The following DSCAM variants were observed in gnomAD, a reference collection of about 807,000 sequenced individuals.
DSCAM encodes the protein cell adhesion molecule DSCAM.
DSCAM carries 47 observed loss-of-function variants against 217.7 expected under a neutral mutation model. That is an observed-to-expected ratio of 0.22 (90% CI 0.17 to 0.28). DSCAM has a LOEUF of 0.28. Ranked by LOEUF, DSCAM falls within the 10% of genes least tolerant of loss-of-function variation. DSCAM has a pLI of 1.00. For missense variants in DSCAM, 2,080 were observed against 2,618.3 expected, an observed-to-expected ratio of 0.79 and a Z score of 4.49; for synonymous variants, 1,056 against 1,015.3, an observed-to-expected ratio of 1.04 and a Z score of -0.76.
chr21:40,818,487 A>G (rs1202661990), intron 1 of DSCAM, among the ~76,000 whole-genome samples: 1 of 134,398 alleles, frequency 7.4e-6, no homozygotes, highest in Non-Finnish European at 1.5e-5. Flanking sequence ...TGGAGCTTGC[A>G]GTGAGCCAAG....
At chr21:40,696,315 G>A (rs1443692779) in intron 2 of DSCAM, among the ~76,000 whole-genome samples, 3 of 152,164 alleles carry the variant, frequency 2.0e-5, no homozygotes, top group Non-Finnish European at 4.4e-5. Context: ...CCCAAAAGGA[G>A]GAGCTGGGTT....
chr21:40,293,249 C>T (rs1321300669), intron 10 of DSCAM, among the ~76,000 whole-genome samples: 1 of 152,110 alleles, frequency 6.6e-6, no homozygotes, highest in African/African-American at 2.4e-5. Flanking sequence ...ATCTGTGATG[C>T]ACTTCTGGAA....
At chr21:40,503,753 A>G (rs1175754026) in intron 3 of DSCAM, among the ~76,000 whole-genome samples, 1 of 152,240 alleles carries the variant, frequency 6.6e-6, no homozygotes, top group Non-Finnish European at 1.5e-5. Flanking sequence ...TCAAGCCACA[A>G]AGATTAAGAT....
intron 3 of DSCAM, among the ~76,000 whole-genome samples, chr21:40,557,898 C>T (rs1299523454): frequency 2.0e-5 from 3 of 152,176 alleles, no homozygotes; most frequent in Admixed American, 2.0e-4. Flanking sequence ...CCAAGAAAGA[C>T]CCAACAATGT....
At chr21:40,443,640 G>A (rs1299773888) in intron 3 of DSCAM, among the ~76,000 whole-genome samples, 2 of 152,106 alleles carry the variant, frequency 1.3e-5, no homozygotes, top group Admixed American at 1.3e-4. Context: ...ATTCACATTA[G>A]TAATCTATGA....
At chr21:40,125,088 C>T (rs1006759265) in intron 19 of DSCAM, among the ~76,000 whole-genome samples, 2 of 152,174 alleles carry the variant, frequency 1.3e-5, no homozygotes, top group East Asian at 3.9e-4. Context: ...TTTGTAATGG[C>T]ACCACTTTGG....
chr21:40,321,387 A>G (rs2074257278), intron 8 of DSCAM, among the ~76,000 whole-genome samples: 1 of 152,230 alleles, frequency 6.6e-6, no homozygotes, highest in Non-Finnish European at 1.5e-5. Context: ...AGCTTCTTCA[A>G]TTCTCTGTTC....
intron 10 of DSCAM, among the ~76,000 whole-genome samples, chr21:40,291,899 AT>A (rs2073896897): frequency 6.6e-6 from 1 of 152,152 alleles, no homozygotes. Flanking sequence ...TGCATCATCT[AT>A]TCTCTCGCAT....
At chr21:40,555,390 A>G (rs1034451027) in intron 3 of DSCAM, among the ~76,000 whole-genome samples, 2 of 152,192 alleles carry the variant, frequency 1.3e-5, no homozygotes, top group Non-Finnish European at 2.9e-5. Flanking sequence ...CCAGAACCCA[A>G]TGATATGTCA....
chr21:40,751,689 C>A (rs888659913), intron 1 of DSCAM, among the ~76,000 whole-genome samples: 1 of 152,038 alleles, frequency 6.6e-6, no homozygotes, highest in Non-Finnish European at 1.5e-5. Context: ...GGGGTTCCTA[C>A]TGTAGGGTGG....
At chr21:40,717,699 A>G (rs904588235) in intron 1 of DSCAM, among the ~76,000 whole-genome samples, 13 of 152,230 alleles carry the variant, frequency 8.5e-5, no homozygotes, top group African/African-American at 2.9e-4. Context: ...TTTTGAAGTG[A>G]TGAAAACCTG....
At chr21:40,101,595 G>A (rs968234713) in intron 20 of DSCAM, among the ~76,000 whole-genome samples, 2 of 152,128 alleles carry the variant, frequency 1.3e-5, no homozygotes, top group African/African-American at 4.8e-5. Context: ...TCCGTAGCCC[G>A]GGGGTTGGGG....
intron 16 of DSCAM, 51 bp downstream of exon 16, chr21:40,167,167 G>T (rs773413162): frequency 1.4e-5 from 21 of 1,544,716 alleles, no homozygotes; most frequent in Non-Finnish European, 1.1e-5. Flanking sequence ...AGGAGTGAAG[G>T]GCTCGCCCTG....
At chr21:40,695,755 G>A (rs761526416) in intron 2 of DSCAM, among the ~76,000 whole-genome samples, 1 of 152,092 alleles carries the variant, frequency 6.6e-6, no homozygotes, top group Admixed American at 6.5e-5. Context: ...TTCCATTCTG[G>A]GAGAACTTCT....
chr21:40,481,548 A>G (rs896891546), intron 3 of DSCAM, among the ~76,000 whole-genome samples: 3 of 151,602 alleles, frequency 2.0e-5, no homozygotes, highest in Non-Finnish European at 4.4e-5. Flanking sequence ...AAAAAAAAAA[A>G]AAAAGCTCAC....
intron 3 of DSCAM, among the ~76,000 whole-genome samples, chr21:40,569,577 C>A (rs922943771): frequency 6.6e-6 from 1 of 152,126 alleles, no homozygotes; most frequent in Non-Finnish European, 1.5e-5. Flanking sequence ...CACTCTCAGC[C>A]CCGCCCCATA....
intron 15 of DSCAM, among the ~76,000 whole-genome samples, chr21:40,171,679 G>C (rs1269170720): frequency 6.6e-6 from 1 of 151,142 alleles, no homozygotes; most frequent in Non-Finnish European, 1.5e-5. Context: ...TTTTTTGTTT[G>C]CTTGTGTTTT....
chr21:40,012,873 A>G lies in DSCAM; in HGVS notation c.*161T>C. The stretch of plus-strand genomic sequence containing the variant: ...CACTCAGACAGAAAAAAAGCAGGAG[A>G]GTCTTTGCACTGTCTGTGGTTTCAG... On this transcript the variant is annotated 3_prime_UTR_variant, in exon 33 of 33. Transcript: ENST00000400454. 1 of 503,462 alleles carries G rather than the reference A, an allele frequency of 2.0e-6. No individual in the cohort carries two copies. Among genetic ancestry groups the G allele is most frequent in the Non-Finnish European group, 3.1e-6 (1 of 321,714 alleles). The allele number at this position is 503,462 out of a possible 1,614,324, so 31.2% of individuals were successfully genotyped here. A position where few individuals can be genotyped will look rare whatever the true frequency, so the allele number is the denominator to read the frequency against.
At chr21:40,617,691 C>A (rs1410694672) in intron 3 of DSCAM, among the ~76,000 whole-genome samples, 1 of 152,240 alleles carries the variant, frequency 6.6e-6, no homozygotes, top group Non-Finnish European at 1.5e-5. Flanking sequence ...AGCTCCCTCC[C>A]AGTCGTTATG....
Sources: allele counts gnomAD v4.1 joint callset (sites outside exome capture counted in the v4.1 genomes callset), GRCh38; gene constraint gnomAD v4.1.1; transcripts MANE v1.5; gene names NCBI Gene and HGNC (gene_info 2026-07-23, HGNC 2026-07-21).